The following ADAMTSL1 variants were observed in gnomAD, a reference collection of about 807,000 sequenced individuals.
ADAMTSL1 encodes ADAMTS-like protein 1.
Under a neutral mutation model 201.8 loss-of-function variants are expected in ADAMTSL1, and 126 were observed. The ratio of observed to expected loss-of-function variants is 0.62; its 90% CI spans 0.54 to 0.72. The LOEUF is 0.72. ADAMTSL1 is among the 30% of genes least tolerant of loss of function. The probability of loss-of-function intolerance (pLI) is 0.00; values close to 1 mark genes in which losing one functional copy is unlikely to be tolerated. For missense variants in ADAMTSL1, 2,679 were observed against 2,277.8 expected, an observed-to-expected ratio of 1.18 and a Z score of -3.59; for synonymous variants, 1,121 against 903.4, an observed-to-expected ratio of 1.24 and a Z score of -4.32.
chr9:18,554,262 G>C (rs953777424), intron 3 of ADAMTSL1, among the ~76,000 whole-genome samples: 1 of 150,694 alleles, frequency 6.6e-6, no homozygotes, highest in Admixed American at 6.6e-5. Flanking sequence ...TTTTTATTTT[G>C]CATCCTGTGT....
At chr9:18,266,284 G>T (rs1206024430) in intron 2 of ADAMTSL1, among the ~76,000 whole-genome samples, 1 of 152,140 alleles carries the variant, frequency 6.6e-6, no homozygotes, top group African/African-American at 2.4e-5. Flanking sequence ...CCTTAGCAAG[G>T]GCATGGGTCA....
chr9:18,599,837 A>G (rs1333751608), intron 4 of ADAMTSL1, among the ~76,000 whole-genome samples: 1 of 151,278 alleles, frequency 6.6e-6, no homozygotes, highest in Non-Finnish European at 1.5e-5. Flanking sequence ...ATCTGGATTC[A>G]AAACAGATTT....
At chr9:18,275,191 T>G (rs1832538601) in intron 2 of ADAMTSL1, among the ~76,000 whole-genome samples, 1 of 152,176 alleles carries the variant, frequency 6.6e-6, no homozygotes, top group Non-Finnish European at 1.5e-5. Flanking sequence ...CTCTTAGTCA[T>G]TACCTCTAAT....
intron 1 of ADAMTSL1, among the ~76,000 whole-genome samples, chr9:18,121,040 T>G (rs142746039): frequency 1.3e-5 from 2 of 152,088 alleles, no homozygotes; most frequent in East Asian, 3.9e-4. Flanking sequence ...ATAGGTGGAG[T>G]ACTGCAATGA....
At chr9:18,890,962 G>A (rs1174752009) in intron 25 of ADAMTSL1, among the ~76,000 whole-genome samples, 1 of 151,966 alleles carries the variant, frequency 6.6e-6, no homozygotes, top group East Asian at 1.9e-4. Flanking sequence ...TGTTTTCTTG[G>A]ATTTCAATGC....
At chr9:18,194,259 A>G (rs535752674) in intron 2 of ADAMTSL1, among the ~76,000 whole-genome samples, 9 of 152,286 alleles carry the variant, frequency 5.9e-5, no homozygotes, top group African/African-American at 2.2e-4. Flanking sequence ...GGCTAAGTCA[A>G]GTTATTTTTT....
Position 18,110,279 on chromosome 9 carries a change from G to A in ADAMTSL1, c.88-53583G>A, listed in dbSNP as rs147304736. On this transcript the variant is annotated intron_variant, in intron 1 of 29. Coordinates refer to the ADAMTSL1 transcript ENST00000680146. ...TTCTCAGCTCTCTGGCATCTCAAGG[G>A]TCTTCCATGATCATTCAGTCCTCTT... 9.8e-5 allele frequency among the ~76,000 whole-genome samples: 15 copies of A among 152,286 alleles called. No individual in the cohort carries two copies. In the East Asian group the frequency reaches 1.4e-3, roughly 14 times the overall value.
intron 3 of ADAMTSL1, among the ~76,000 whole-genome samples, chr9:18,540,278 A>C (rs1820045871): frequency 6.6e-6 from 1 of 152,208 alleles, no homozygotes; most frequent in South Asian, 2.1e-4. Context: ...CAGATGATAA[A>C]GTTTTAAAAG....
Position 18,806,055 on chromosome 9 carries a change from G to C in ADAMTSL1, c.3805+10531G>C, listed in dbSNP as rs73644673. Among the ~76,000 whole-genome samples the C allele has an allele frequency of 4.6e-3, 706 of 152,272 alleles. 8 individuals carry two copies. Among genetic ancestry groups the C allele is most frequent in the African/African-American group, 0.016 (669 of 41,552 alleles). Reference sequence around the variant, plus strand: ...ACTCATTTTTGATGGCAAAGACTAGGGGAAATTATTTTGAAGTATATTCGT... The same window carrying C: ...ACTCATTTTTGATGGCAAAGACTAGCGGAAATTATTTTGAAGTATATTCGT... On this transcript the variant is annotated intron_variant, in intron 20 of 28. Transcript: ENST00000380548.
intron 2 of ADAMTSL1, among the ~76,000 whole-genome samples, chr9:18,236,312 G>A (rs920632773): frequency 6.6e-6 from 1 of 152,112 alleles, no homozygotes; most frequent in African/African-American, 2.4e-5. Context: ...CTGACCCCGT[G>A]AACCACCCAC....
intron 25 of ADAMTSL1, chr9:18,890,915 T>A (rs1053114436): frequency 9.0e-6 from 2 of 222,528 alleles, no homozygotes; most frequent in African/African-American, 5.3e-5. Context: ...TCAGAGTCAA[T>A]CAGCTTAATT....
intron 23 of ADAMTSL1, among the ~76,000 whole-genome samples, chr9:18,864,564 A>G (rs1211778182): frequency 1.3e-5 from 2 of 152,296 alleles, no homozygotes; most frequent in South Asian, 4.1e-4. Flanking sequence ...CACAAAGGCA[A>G]CCTTATGCTA....
intron 7 of ADAMTSL1, among the ~76,000 whole-genome samples, chr9:18,655,415 T>C (rs1348785592): frequency 6.6e-6 from 1 of 152,192 alleles, no homozygotes; most frequent in East Asian, 1.9e-4. Context: ...GTTCAAATAC[T>C]CTTTTTTATT....
At chr9:18,415,751 T>G (rs1027556239) in intron 2 of ADAMTSL1, among the ~76,000 whole-genome samples, 6 of 152,094 alleles carry the variant, frequency 3.9e-5, no homozygotes, top group African/African-American at 1.4e-4. Flanking sequence ...AGTCACATCC[T>G]AATCAAATTA....
At chr9:18,471,537 A>G (rs1292464218), upstream of ADAMTSL1, among the ~76,000 whole-genome samples, 1 of 152,226 alleles carries the variant, frequency 6.6e-6, no homozygotes, top group Non-Finnish European at 1.5e-5. Context: ...AAATTAGTTC[A>G]TGACCAAAAC....
chr9:18,703,364 A>G (rs1168534075), intron 13 of ADAMTSL1, among the ~76,000 whole-genome samples: 1 of 152,120 alleles, frequency 6.6e-6, no homozygotes, highest in Non-Finnish European at 1.5e-5. Context: ...TATGAAAAAC[A>G]GTTATTATTC....
intron 4 of ADAMTSL1, among the ~76,000 whole-genome samples, chr9:18,612,430 A>G (rs1402980916): frequency 6.6e-6 from 1 of 152,212 alleles, no homozygotes; most frequent in Admixed American, 6.5e-5. Flanking sequence ...GGCTGAATCC[A>G]TTCATTCATT....
chr9:18,619,292 A>G (rs974946037), intron 4 of ADAMTSL1, among the ~76,000 whole-genome samples: 2 of 152,186 alleles, frequency 1.3e-5, no homozygotes, highest in African/African-American at 2.4e-5. Context: ...CCTGCAAACA[A>G]TTTTCCACTT....
At chr9:18,744,828 A>G (rs1245220538) in intron 15 of ADAMTSL1, among the ~76,000 whole-genome samples, 2 of 152,228 alleles carry the variant, frequency 1.3e-5, no homozygotes, top group Non-Finnish European at 2.9e-5. Flanking sequence ...TCTATCTTTC[A>G]TATAGTTGAC....
Sources: allele counts gnomAD v4.1 joint callset (sites outside exome capture counted in the v4.1 genomes callset), GRCh38; gene constraint gnomAD v4.1.1; transcripts MANE v1.5; gene names NCBI Gene and HGNC (gene_info 2026-07-23, HGNC 2026-07-21).